The following CD247 variants were observed in gnomAD, a reference collection of about 807,000 sequenced individuals.
The protein encoded by CD247 is CD247 molecule, also known as T-cell surface glycoprotein CD3 zeta chain.
A neutral mutation model predicts 30.0 loss-of-function variants in CD247; 13 were observed. That is an observed-to-expected ratio of 0.43 (90% CI 0.28 to 0.69). The LOEUF (loss-of-function observed/expected upper bound fraction) is 0.69. Among genes scored for constraint, CD247 ranks in the 30% least tolerant of loss-of-function variants. CD247 has a pLI of 0.16. For missense variants in CD247, 193 were observed against 212.6 expected, an observed-to-expected ratio of 0.91 and a Z score of 0.57; for synonymous variants, 72 against 80.0, an observed-to-expected ratio of 0.90 and a Z score of 0.53.
chr1:167,433,852 T>C (rs1163879259), intron 6 of CD247, among the ~76,000 whole-genome samples, 168 bp downstream of exon 6: 1 of 152,188 alleles, frequency 6.6e-6, no homozygotes, highest in Non-Finnish European at 1.5e-5. Context: ...CCTTAGTTTC[T>C]TATGTTCTGC....
intron 3 of CD247, among the ~76,000 whole-genome samples, chr1:167,438,886 T>C (rs1651678818): frequency 6.6e-6 from 1 of 152,178 alleles, no homozygotes; most frequent in Non-Finnish European, 1.5e-5. Flanking sequence ...TACTATAGGC[T>C]GATCAGTCCA....
At chr1:167,461,128 C>A (rs1487797760) in intron 1 of CD247, among the ~76,000 whole-genome samples, 1 of 152,256 alleles carries the variant, frequency 6.6e-6, no homozygotes, top group African/African-American at 2.4e-5. Flanking sequence ...GAGAGGCAGA[C>A]TGCTGGGCTG....
intron 1 of CD247, among the ~76,000 whole-genome samples, chr1:167,503,960 A>G (rs1655012900): frequency 6.6e-6 from 1 of 152,144 alleles, no homozygotes; most frequent in Admixed American, 6.5e-5. Context: ...CTACCACCAG[A>G]TCTTCCCTTT....
At chr1:167,447,596 A>T (rs1255486037) in intron 1 of CD247, among the ~76,000 whole-genome samples, 1 of 152,162 alleles carries the variant, frequency 6.6e-6, no homozygotes, top group African/African-American at 2.4e-5. Context: ...CACGGCAGGT[A>T]AGAATGAATC....
rs113499112 is a variant in CD247 at position 167,471,684 on chromosome 1, C to A, written c.59-30917G>T. 4.8e-3 allele frequency among the ~76,000 whole-genome samples: 733 copies of A among 152,216 alleles called. 6 individuals are homozygous for A. The highest frequency in any genetic ancestry group is 0.017 in the African/African-American group (700 of 41,528). ...GTGGTATGTTCCTAGCTCACTGCAGCCTTGAACTCCTGGGCTCAAACGATC... is the reference window on the plus strand; with the variant it reads ...GTGGTATGTTCCTAGCTCACTGCAGACTTGAACTCCTGGGCTCAAACGATC... On this transcript the variant is annotated intron_variant, in intron 1 of 7. Coordinates refer to ENST00000362089, the MANE Select transcript of CD247 (RefSeq NM_198053.3).
chr1:167,431,891 CCCCA>C (rs544438348), intron 7 of CD247, 145 bp from the exon 8 acceptor site: 16,629 of 757,662 alleles, frequency 0.022, 248 homozygotes, highest in Middle Eastern at 0.03. Context: ...ATCCCCCTGG[CCCCA>C]CGGGCAGGAG....
chr1:167,470,018 A>G (rs1237741346), intron 1 of CD247, among the ~76,000 whole-genome samples: 2 of 152,022 alleles, frequency 1.3e-5, no homozygotes, highest in African/African-American at 4.8e-5. Flanking sequence ...GGCTCAAGTG[A>G]TTCTCTTGCC....
At chr1:167,456,912 G>A (rs949158690) in intron 1 of CD247, among the ~76,000 whole-genome samples, 3 of 152,104 alleles carry the variant, frequency 2.0e-5, no homozygotes, top group East Asian at 1.9e-4. Context: ...GTACTCTCTC[G>A]GGGACATCAT....
chr1:167,505,360 T>C (rs953644089), intron 1 of CD247, among the ~76,000 whole-genome samples: 4 of 152,248 alleles, frequency 2.6e-5, no homozygotes, highest in African/African-American at 9.6e-5. Context: ...TTGTCACTTC[T>C]TCACTCATTA....
chr1:167,518,517 G>T lies in CD247; in HGVS notation c.-52C>A. ...GGGAGGCAGAGGCTGAGGCAGCGGTGGCCGGGACGGTTAGGAGAAAAGGAG... is the reference window on the plus strand; with the variant it reads ...GGGAGGCAGAGGCTGAGGCAGCGGTTGCCGGGACGGTTAGGAGAAAAGGAG... On this transcript the variant is annotated 5_prime_UTR_variant, in exon 1 of 8. Transcript: ENST00000362089. 1 of 1,517,912 alleles carries T rather than the reference G, an allele frequency of 6.6e-7. No individual in the cohort carries two copies. The allele number at this position is 1,517,912 out of a possible 1,614,324, so 94.0% of individuals were successfully genotyped here.
chr1:167,509,539 A>G (rs927303008), intron 1 of CD247, among the ~76,000 whole-genome samples: 5 of 152,188 alleles, frequency 3.3e-5, no homozygotes, highest in Non-Finnish European at 5.9e-5. Context: ...GCCAAAATAC[A>G]TAGGATGGAC....
chr1:167,512,895 T>C (rs1301497347), intron 1 of CD247, among the ~76,000 whole-genome samples: 1 of 152,200 alleles, frequency 6.6e-6, no homozygotes, highest in Non-Finnish European at 1.5e-5. Flanking sequence ...CACAAAGGCT[T>C]GGAGATGGTA....
chr1:167,450,486 C>T (rs1474197455), intron 1 of CD247, among the ~76,000 whole-genome samples: 2 of 151,208 alleles, frequency 1.3e-5, no homozygotes, highest in Admixed American at 6.6e-5. Flanking sequence ...AGAGTGAGAC[C>T]CTGTCTCAAA....
chr1:167,482,570 G>A (rs2949657), intron 1 of CD247, among the ~76,000 whole-genome samples: 59,073 of 151,798 alleles, frequency 0.39, 11,588 homozygotes, highest in Middle Eastern at 0.49. Context: ...GGGGCCAAGG[G>A]CTGACTTCTA....
rs951592990 is a variant in CD247, at chr1:167,469,233, C to T, written c.59-28466G>A. ...CCTGACCTCAAGTGATCTGCCCCCC[C>T]TCAGCCTCCCAAAAAGTGCAGCCTC... On this transcript the variant is annotated intron_variant, in intron 1 of 7. Transcript: ENST00000362089. Among the ~76,000 whole-genome samples the T allele has an allele frequency of 7.9e-5, 12 of 152,134 alleles. No individual in the cohort carries two copies. In the South Asian group the frequency reaches 1.0e-3, roughly 13 times the overall value.
intron 1 of CD247, among the ~76,000 whole-genome samples, chr1:167,489,207 C>A (rs1311630563): frequency 6.6e-6 from 1 of 152,122 alleles, no homozygotes; most frequent in Admixed American, 6.5e-5. Context: ...CTTCCCCACC[C>A]CAAACTCTGC....
rs910077678 is a variant in CD247 at position 167,448,720 on chromosome 1, G to T, written c.59-7953C>A. Among the ~76,000 whole-genome samples the T allele has an allele frequency of 2.6e-5, 4 of 152,188 alleles. No homozygotes were observed. The East Asian group carries it at 7.7e-4, about 29-fold the overall frequency. ...ACTAAAAATACAAAAAATTAGCTAGGTGTGGTGGCGGGCGCCTGTAATACC... is the reference window on the plus strand; with the variant it reads ...ACTAAAAATACAAAAAATTAGCTAGTTGTGGTGGCGGGCGCCTGTAATACC... On this transcript the variant is annotated intron_variant, in intron 1 of 7. Transcript: ENST00000362089.
At chr1:167,466,026 T>C (rs796808122) in intron 1 of CD247, among the ~76,000 whole-genome samples, 10 of 152,244 alleles carry the variant, frequency 6.6e-5, no homozygotes, top group African/African-American at 2.2e-4. Flanking sequence ...GAGAGGAATT[T>C]AAGTGATATT....
chr1:167,462,796 T>G (rs1419812703), intron 1 of CD247, among the ~76,000 whole-genome samples: 2 of 152,056 alleles, frequency 1.3e-5, no homozygotes, highest in Non-Finnish European at 2.9e-5. Flanking sequence ...CCGGCCCTCA[T>G]CCTCCCCTTC....
Sources: allele counts gnomAD v4.1 joint callset (sites outside exome capture counted in the v4.1 genomes callset), GRCh38; gene constraint gnomAD v4.1.1; transcripts MANE v1.5; gene names NCBI Gene and HGNC (gene_info 2026-07-23, HGNC 2026-07-21).